Variants in OVCH2 observed in about 807,000 individuals in gnomAD.
OVCH2 encodes ovochymase 2, also known as ovochymase-2.
OVCH2 carries 88 observed loss-of-function variants against 73.7 expected under a neutral mutation model. The observed-to-expected ratio is 1.19, with a 90% CI of 1.01 to 1.43. The LOEUF (loss-of-function observed/expected upper bound fraction) is 1.43, where lower values mean the gene tolerates loss of function less well. Among genes scored for constraint, OVCH2 ranks in the 40% most tolerant of loss-of-function variants. The pLI is 0.00. For synonymous variants in OVCH2, 265 were observed against 234.5 expected (o/e 1.13, Z -1.19); for missense variants, 706 against 674.5 (o/e 1.05, Z -0.52).
downstream of OVCH2, among the ~76,000 whole-genome samples, chr11:7,685,967 A>G (rs1023721267): frequency 5.9e-5 from 9 of 151,324 alleles, 1 homozygote; most frequent in Admixed American, 3.3e-4. Flanking sequence ...GTTGTCATTG[A>G]AAAAAAAAAT....
At chr11:7,692,088 C>G in intron 12 of OVCH2, 93 bp from the exon 13 acceptor site, 2 of 868,876 alleles carry the variant, frequency 2.3e-6, no homozygotes, top group Admixed American at 4.1e-5. Context: ...TCAACTTGTT[C>G]TGGAGTAAGA....
downstream of OVCH2, among the ~76,000 whole-genome samples, chr11:7,685,181 G>C (rs188359860): frequency 2.1e-3 from 320 of 152,248 alleles, no homozygotes; most frequent in African/African-American, 5.5e-3. Flanking sequence ...TCGAGTGGCA[G>C]GGTCCCCCAG....
chr11:7,678,860 G>A, the OVCH2 span, among the ~76,000 whole-genome samples: 7 of 152,152 alleles, frequency 4.6e-5, no homozygotes, highest in Admixed American at 2.6e-4. Context: ...TGGGTCACGC[G>A]ATCATTTGTA....
the OVCH2 span, among the ~76,000 whole-genome samples, chr11:7,683,782 C>T: frequency 6.6e-6 from 1 of 152,162 alleles, no homozygotes; most frequent in African/African-American, 2.4e-5. Context: ...TCAGGTCTTT[C>T]GTACTTGCCT....
intron 8 of OVCH2, among the ~76,000 whole-genome samples, chr11:7,698,004 C>T (rs1856368643): frequency 6.6e-6 from 1 of 152,176 alleles, no homozygotes; most frequent in Non-Finnish European, 1.5e-5. Context: ...CATCACATGC[C>T]CTGTGCTTTT....
chr11:7,692,089 T>C lies in OVCH2; in HGVS notation c.1414-94A>G, dbSNP rs1856234026. On this transcript the variant is annotated intron_variant, in intron 12 of 15. Coordinates refer to ENST00000533663, the MANE Select transcript of OVCH2 (RefSeq NM_198185.7). ...GAAATTTGGATTGCTCAACTTGTTCTGGAGTAAGACCTTAGATAAGAAAGT... is the reference window on the plus strand; with the variant it reads ...GAAATTTGGATTGCTCAACTTGTTCCGGAGTAAGACCTTAGATAAGAAAGT... 4.6e-6 allele frequency: 4 copies of C among 862,328 alleles called. No homozygotes were observed. The South Asian group carries it at 6.0e-5, about 13-fold the overall frequency. The allele number at this position is 862,328 out of a possible 1,614,324, so 53.4% of individuals were successfully genotyped here. A position where few individuals can be genotyped will look rare whatever the true frequency, so the allele number is the denominator to read the frequency against.
At chr11:7,695,832 C>A in intron 10 of OVCH2, 122 bp from the exon 11 acceptor site, 1 of 1,320,192 alleles carries the variant, frequency 7.6e-7, no homozygotes, top group South Asian at 1.4e-5. Flanking sequence ...GTTTCTCAGT[C>A]TTGTCACAAT....
At chr11:7,703,666 T>C (rs940757163) in intron 3 of OVCH2, 32 bp downstream of exon 3, 63 of 1,505,512 alleles carry the variant, frequency 4.2e-5, no homozygotes, top group Non-Finnish European at 4.4e-5. Flanking sequence ...AATGGTGGTG[T>C]GGTCTTCACT....
rs1198655262 is a variant in OVCH2, at chr11:7,703,753, C to T, written c.235G>A (p.Gly79Arg). ...LKQRQKHICG[G>R]SIVSPQWVIT... ...ACCCACTGTGGTGAGACGATGCTTC[C>T]TCCACAAATATGCTTCTGCCTTTGT... The change falls in exon 3 of 16, where the codon GGA (glycine) becomes AGA (arginine). Residue 79 changes from glycine to arginine, a missense_variant. Physicochemically the swap from Gly to Arg is moderately radical, Grantham distance 125. Coordinates refer to ENST00000533663, the MANE Select transcript of OVCH2 (RefSeq NM_198185.7). The T allele has an allele frequency of 1.2e-6, 2 of 1,610,750 alleles. No homozygotes were observed. Among genetic ancestry groups the T allele is most frequent in the Non-Finnish European group, 8.5e-7 (1 of 1,178,492 alleles).
chr11:7,695,381 C>T (rs938623871), intron 11 of OVCH2, among the ~76,000 whole-genome samples, 189 bp downstream of exon 11: 5 of 152,178 alleles, frequency 3.3e-5, no homozygotes, highest in African/African-American at 4.8e-5. Context: ...GCAATCACTA[C>T]GAGCTAGCAG....
chr11:7,679,022 A>C, the OVCH2 span, among the ~76,000 whole-genome samples: 1 of 152,200 alleles, frequency 6.6e-6, no homozygotes, highest in Non-Finnish European at 1.5e-5. Context: ...TAAGTGTTTA[A>C]TCTTGAAAAT....
chr11:7,706,151 G>A, intron 1 of OVCH2, 156 bp downstream of exon 1: 1 of 719,612 alleles, frequency 1.4e-6, no homozygotes, highest in Non-Finnish European at 2.2e-6. Context: ...CCGATTGCAG[G>A]AGATAAGTCC....
chr11:7,691,245 G>T, intron 14 of OVCH2, 24 bp downstream of exon 14: 1 of 1,580,416 alleles, frequency 6.3e-7, no homozygotes, highest in Non-Finnish European at 8.6e-7. Flanking sequence ...GGGAACCAAA[G>T]AGTTGGTAAC....
intron 2 of OVCH2, 80 bp downstream of exon 2, chr11:7,704,485 G>T: frequency 1.0e-6 from 1 of 1,002,918 alleles, no homozygotes; most frequent in Non-Finnish European, 1.5e-6. Context: ...GCTCCTCAAA[G>T]ATATAAACTT....
chr11:7,691,330 T>A lies in OVCH2; in HGVS notation c.1578A>T (p.Gln526His), dbSNP rs4519083. The part of the protein sequence containing the change: ...SPSSIMLISF[Q>H]SDENGTCRGF... ...CCCTGCAGGTCCCGTTTTCATCTGA[T>A]TGGAAGCTGATGAGCATGATGCTGG... The change falls in exon 14 of 16, where the codon CAA becomes CAT. Residue 526 changes from glutamine to histidine, a missense_variant. By Grantham distance (24) the Gln-to-His change is conservative. Coordinates refer to ENST00000533663, the MANE Select transcript of OVCH2 (RefSeq NM_198185.7). The A allele has an allele frequency of 0.15, 235,204 of 1,613,232 alleles. 18,073 individuals are homozygous for A. Among genetic ancestry groups the A allele is most frequent in the African/African-American group, 0.26 (19,118 of 74,896 alleles).
At chr11:7,706,067 G>A (rs1020259442) in intron 1 of OVCH2, among the ~76,000 whole-genome samples, 6 of 152,098 alleles carry the variant, frequency 3.9e-5, no homozygotes, top group African/African-American at 7.2e-5. Context: ...AAAACTAAGC[G>A]AAGAAAACAG....
At chr11:7,702,037 C>T (rs1565170836) in intron 4 of OVCH2, 120 bp downstream of exon 4, 2 of 971,428 alleles carry the variant, frequency 2.1e-6, no homozygotes, top group South Asian at 1.6e-5. Flanking sequence ...TAGGACTCTC[C>T]AGCCTAAATT....
chr11:7,691,326 C>T lies in OVCH2; in HGVS notation c.1582G>A (p.Asp528Asn). 2 of 1,613,842 alleles carry T rather than the reference C, an allele frequency of 1.2e-6. No homozygotes were observed. The highest frequency in any genetic ancestry group is 1.7e-6 in the Non-Finnish European group (2 of 1,179,864). The change falls in exon 14 of 16, where the codon GAT becomes AAT. Residue 528 changes from aspartate to asparagine, a missense_variant. Physicochemically the swap from Asp to Asn is conservative, Grantham distance 23. Transcript: ENST00000533663. ...AAGCCCCTGCAGGTCCCGTTTTCAT[C>T]TGATTGGAAGCTGATGAGCATGATG... ...SSIMLISFQSDENGTCRGFQA... is the reference protein window; with the variant it reads ...SSIMLISFQSNENGTCRGFQA...
intron 12 of OVCH2, among the ~76,000 whole-genome samples, chr11:7,694,803 CTTTTT>C (rs34314441): frequency 9.4e-4 from 102 of 108,380 alleles, no homozygotes; most frequent in South Asian, 5.8e-3. Context: ...TAAAGCGGCA[CTTTTT>C]TTTTTTTTTT....
Sources: allele counts gnomAD v4.1 joint callset (sites outside exome capture counted in the v4.1 genomes callset), GRCh38; gene constraint gnomAD v4.1.1; transcripts MANE v1.5; gene names NCBI Gene and HGNC (gene_info 2026-07-23, HGNC 2026-07-21).